The following COBLL1 variants were observed in gnomAD, a reference collection of about 807,000 sequenced individuals.
COBLL1 encodes cordon-bleu WH2 repeat protein like 1, also known as cordon-bleu protein-like 1.
A neutral mutation model predicts 94.8 loss-of-function variants in COBLL1; 50 were observed. That is an observed-to-expected ratio of 0.53 (90% CI 0.42 to 0.67). The LOEUF (loss-of-function observed/expected upper bound fraction) is 0.67, where lower values mean the gene tolerates loss of function less well. Among genes scored for constraint, COBLL1 ranks in the 30% least tolerant of loss-of-function variants. The pLI is 0.00. For missense variants in COBLL1, 1,362 were observed against 1,348.7 expected (o/e 1.01, Z -0.15); for synonymous variants, 448 against 473.8 (o/e 0.95, Z 0.71).
At chr2:164,767,011 G>A (rs1687963765) in intron 2 of COBLL1, among the ~76,000 whole-genome samples, 1 of 152,132 alleles carries the variant, frequency 6.6e-6, no homozygotes, top group Non-Finnish European at 1.5e-5. Context: ...TAAATGTTCA[G>A]TATATCATAA....
chr2:164,714,114 ACTT>A (rs1186548596), intron 7 of COBLL1, among the ~76,000 whole-genome samples: 1 of 151,604 alleles, frequency 6.6e-6, no homozygotes. Context: ...CCAGGTCAGG[ACTT>A]CTTCTTTCCA....
intron 2 of COBLL1, among the ~76,000 whole-genome samples, chr2:164,801,236 G>T (rs916029512): frequency 1.3e-4 from 19 of 151,424 alleles, no homozygotes; most frequent in Admixed American, 1.2e-3. Flanking sequence ...TCAGGAGATC[G>T]AGACCATCCT....
At chr2:164,781,530 T>G (rs897148125) in intron 2 of COBLL1, among the ~76,000 whole-genome samples, 1 of 152,210 alleles carries the variant, frequency 6.6e-6, no homozygotes, top group Non-Finnish European at 1.5e-5. Flanking sequence ...CTCTTTCCCC[T>G]TTCTCACAAT....
At position 164,722,308 on chromosome 2, in the gene COBLL1, C is replaced by T. The variant is rs1030880475; in HGVS notation, c.763G>A (p.Ala255Thr). The T allele has an allele frequency of 6.2e-7, 1 of 1,612,752 alleles. No homozygotes were observed. The highest frequency in any genetic ancestry group is 8.5e-7 in the Non-Finnish European group (1 of 1,179,008). The part of the protein sequence containing the change: ...QRSKKKRDQT[A>T]SAPATPLVNK... ...ACTAGAGGGGTTGCAGGGGCACTTG[C>T]AGTCTAGTAAAGAATGACAAAGACA... Residue 255 changes from alanine to threonine, a missense_variant, in exon 7 of 14, where the codon GCA becomes ACA. Ala to Thr is a moderately conservative substitution (Grantham distance 58, BLOSUM62 0). Coordinates refer to ENST00000652658, the MANE Select transcript of COBLL1 (RefSeq NM_001365672.2).
chr2:164,763,571 C>T (rs1454903514), intron 2 of COBLL1, among the ~76,000 whole-genome samples: 1 of 152,046 alleles, frequency 6.6e-6, no homozygotes, highest in Non-Finnish European at 1.5e-5. Flanking sequence ...TAGAAACAAA[C>T]CAAATATCCA....
intron 4 of COBLL1, 26 bp from the exon 5 acceptor site, chr2:164,728,223 T>C (rs1380199347): frequency 6.9e-7 from 1 of 1,439,350 alleles, no homozygotes; most frequent in Non-Finnish European, 9.8e-7. Flanking sequence ...AAGCCATAGT[T>C]GTACCATAAT....
At chr2:164,789,032 C>T (rs1309117043) in intron 2 of COBLL1, among the ~76,000 whole-genome samples, 1 of 48,014 alleles carries the variant, frequency 2.1e-5, no homozygotes, top group Non-Finnish European at 4.1e-5. Context: ...CACACACACA[C>T]ACACACACAC....
At chr2:164,713,313 A>G (rs1418609154) in intron 7 of COBLL1, among the ~76,000 whole-genome samples, 1 of 152,172 alleles carries the variant, frequency 6.6e-6, no homozygotes, top group African/African-American at 2.4e-5. Context: ...CAGATCCCAG[A>G]CAACTATAAT....
At chr2:164,840,225 A>G (rs549876350) in intron 2 of COBLL1, among the ~76,000 whole-genome samples, 163 of 151,638 alleles carry the variant, frequency 1.1e-3, no homozygotes, top group African/African-American at 3.8e-3. Flanking sequence ...TCGTATTCTC[A>G]TTAGGGCATT....
intron 2 of COBLL1, among the ~76,000 whole-genome samples, chr2:164,837,086 G>C (rs138523811): frequency 6.6e-6 from 1 of 152,108 alleles, no homozygotes; most frequent in Non-Finnish European, 1.5e-5. Context: ...TTAATTTTTC[G>C]TATGCCTTCA....
chr2:164,800,556 TA>T, intron 2 of COBLL1: 1 of 701,950 alleles, frequency 1.4e-6, no homozygotes, highest in South Asian at 1.5e-5. Context: ...ATCTCTCTCC[TA>T]GGCAGCATAA....
intron 9 of COBLL1, among the ~76,000 whole-genome samples, chr2:164,703,826 ACT>A (rs1574439693): frequency 6.6e-6 from 1 of 152,150 alleles, no homozygotes; most frequent in South Asian, 2.1e-4. Flanking sequence ...TCTAATAGTA[ACT>A]CTAAAGATTA....
chr2:164,750,486 C>G (rs1443247765), intron 2 of COBLL1, among the ~76,000 whole-genome samples: 1 of 152,196 alleles, frequency 6.6e-6, no homozygotes. Context: ...CAGCTCCCTG[C>G]TACCACCCTG....
intron 5 of COBLL1, chr2:164,727,178 G>A (rs1039860730): frequency 9.5e-6 from 12 of 1,256,580 alleles, no homozygotes; most frequent in Non-Finnish European, 1.1e-6. Flanking sequence ...AGGGTAAATT[G>A]ACTGTGAAGA....
chr2:164,679,417 C>G (rs1682947210), downstream of COBLL1, among the ~76,000 whole-genome samples: 2 of 151,886 alleles, frequency 1.3e-5, no homozygotes, highest in Admixed American at 1.3e-4. Context: ...TTATGAGGTA[C>G]TCATTGCAAA....
At chr2:164,705,126 A>G (rs771115267) in intron 7 of COBLL1, 21 bp from the exon 8 acceptor site, 1 of 1,490,124 alleles carries the variant, frequency 6.7e-7, no homozygotes, top group African/African-American at 1.4e-5. Flanking sequence ...AAATGACCAA[A>G]TAAAATCCTA....
intron 7 of COBLL1, among the ~76,000 whole-genome samples, chr2:164,720,425 TG>T (rs1685386428): frequency 6.6e-6 from 1 of 152,122 alleles, no homozygotes; most frequent in African/African-American, 2.4e-5. Flanking sequence ...ATAGACCTCT[TG>T]GGGAGCCAAG....
chr2:164,755,728 C>G (rs1428459567), intron 2 of COBLL1, among the ~76,000 whole-genome samples: 1 of 152,146 alleles, frequency 6.6e-6, no homozygotes, highest in African/African-American at 2.4e-5. Context: ...TTTAATTTAG[C>G]TCGCAACTCA....
chr2:164,741,017 T>C (rs1284757972), intron 3 of COBLL1, among the ~76,000 whole-genome samples: 1 of 152,140 alleles, frequency 6.6e-6, no homozygotes, highest in Non-Finnish European at 1.5e-5. Flanking sequence ...GGCTCATGTC[T>C]GTAATCTCAG....
Sources: allele counts gnomAD v4.1 joint callset (sites outside exome capture counted in the v4.1 genomes callset), GRCh38; gene constraint gnomAD v4.1.1; transcripts MANE v1.5; gene names NCBI Gene and HGNC (gene_info 2026-07-23, HGNC 2026-07-21).